STARD13: variants seen among roughly 807,000 people sequenced by gnomAD.
STARD13 encodes stAR-related lipid transfer protein 13.
Under a neutral mutation model 106.4 loss-of-function variants are expected in STARD13, and 62 were observed. That is an observed-to-expected ratio of 0.58 (90% CI 0.48 to 0.72). STARD13 has a LOEUF of 0.72. Ranked by LOEUF, STARD13 falls within the 30% of genes least tolerant of loss-of-function variation. The pLI is 0.00. For synonymous variants in STARD13, 565 were observed against 553.0 expected (o/e 1.02, Z -0.31); for missense variants, 1,387 against 1,424.0 (o/e 0.97, Z 0.42).
intron 4 of STARD13, chr13:33,138,693 A>G (rs1482752545): frequency 3.2e-6 from 1 of 315,726 alleles, no homozygotes; most frequent in Non-Finnish European, 6.3e-6. Context: ...GGGAGTGGAG[A>G]GCCCGAGCTG....
chr13:33,291,566 A>G (rs185053117), intron 1 of STARD13, among the ~76,000 whole-genome samples: 1 of 152,278 alleles, frequency 6.6e-6, no homozygotes, highest in African/African-American at 2.4e-5. Context: ...TTTATAATCT[A>G]TATTCACTCA....
chr13:33,109,530 G>T (rs978956021), intron 12 of STARD13, among the ~76,000 whole-genome samples: 3 of 152,226 alleles, frequency 2.0e-5, no homozygotes, highest in African/African-American at 7.2e-5. Context: ...AAGCCAGTCA[G>T]ATCCATTTGC....
chr13:33,442,895 A>C, the STARD13 span, among the ~76,000 whole-genome samples: 1 of 152,218 alleles, frequency 6.6e-6, no homozygotes, highest in Non-Finnish European at 1.5e-5. Context: ...ATTATATAGC[A>C]ATATTTTAAC....
At chr13:33,635,834 A>G in the STARD13 span, among the ~76,000 whole-genome samples, 1 of 150,572 alleles carries the variant, frequency 6.6e-6, no homozygotes, top group African/African-American at 2.4e-5. Context: ...AATACAAAAA[A>G]TTAGCCGGGT....
the STARD13 span, among the ~76,000 whole-genome samples, chr13:33,567,884 G>C: frequency 6.8e-6 from 1 of 147,870 alleles, no homozygotes; most frequent in Non-Finnish European, 1.5e-5. Context: ...TATAACCACT[G>C]ATGCTTCCCT....
At chr13:33,384,764 C>G in the STARD13 span, among the ~76,000 whole-genome samples, 1 of 152,092 alleles carries the variant, frequency 6.6e-6, no homozygotes, top group Non-Finnish European at 1.5e-5. Context: ...TGCCCATCTC[C>G]TTAATCCTTA....
intron 1 of STARD13, among the ~76,000 whole-genome samples, chr13:33,298,262 T>G (rs1274663545): frequency 6.6e-6 from 1 of 151,396 alleles, no homozygotes; most frequent in East Asian, 2.0e-4. Flanking sequence ...CCCAAGTAGC[T>G]GGGACTACAG....
At chr13:33,433,079 C>T in the STARD13 span, among the ~76,000 whole-genome samples, 5 of 152,118 alleles carry the variant, frequency 3.3e-5, no homozygotes, top group Admixed American at 6.5e-5. Flanking sequence ...TTTCAGCAAA[C>T]GTCTGTTATT....
At chr13:33,126,041 T>TG in intron 7 of STARD13, 40 bp downstream of exon 7, 3 of 1,596,326 alleles carry the variant, frequency 1.9e-6, no homozygotes, top group South Asian at 1.1e-5. Context: ...ATCCCATGGT[T>TG]GGGGGTGGTG....
At chr13:33,528,265 T>TATATATATATATATATATATACATAC in the STARD13 span, among the ~76,000 whole-genome samples, 1 of 131,536 alleles carries the variant, frequency 7.6e-6, no homozygotes, top group African/African-American at 3.2e-5. Context: ...TACATATATA[T>TATATATATATATATATATATACATAC]ATATATATAC....
chr13:33,123,527 G>C (rs1876685107), intron 7 of STARD13, among the ~76,000 whole-genome samples: 2 of 152,180 alleles, frequency 1.3e-5, no homozygotes, highest in African/African-American at 4.8e-5. Context: ...TCAGGAATAG[G>C]TATAATCTAT....
chr13:33,276,153 A>C (rs1891420576), intron 1 of STARD13: 1 of 152,232 alleles, frequency 6.6e-6, no homozygotes, highest in South Asian at 2.1e-4. Flanking sequence ...AGTGGAATGG[A>C]ATGCTAATAT....
At chr13:33,151,955 A>T (rs1300568575) in intron 3 of STARD13, among the ~76,000 whole-genome samples, 2 of 152,220 alleles carry the variant, frequency 1.3e-5, no homozygotes, top group African/African-American at 4.8e-5. Context: ...TTTGCTGAAC[A>T]TGCCGTTAAA....
At chr13:33,284,384 T>C (rs1891950432) in intron 1 of STARD13, among the ~76,000 whole-genome samples, 1 of 152,242 alleles carries the variant, frequency 6.6e-6, no homozygotes, top group South Asian at 2.1e-4. Flanking sequence ...TCCTCTTTAA[T>C]ATTCAATATA....
Position 33,130,225 on chromosome 13 carries a change from C to T in STARD13, c.452G>A (p.Arg151His), listed in dbSNP as rs151209307. Residue 151 changes from arginine to histidine, a missense_variant, in exon 5 of 14, where the codon CGC becomes CAC. Transcript: ENST00000336934. This position sits in a 1 kb window ranked among gnomAD's most constrained non-coding sequence, Gnocchi z 4.1. ...GAGGTCGTCCACACGAGACCACCTG[C>T]GACTGGTTCTTTGGAAAGTCCATTT... is the stretch of plus-strand genomic sequence containing the variant. ...SNKWTFQRTS[R>H]RWSRVDDLYT... 4.3e-6 allele frequency: 7 copies of T among 1,610,136 alleles called. No individual in the cohort carries two copies. The highest frequency in any genetic ancestry group is 1.7e-5 in the Admixed American group (1 of 60,014).
chr13:33,552,350 A>T, the STARD13 span, among the ~76,000 whole-genome samples: 3 of 152,226 alleles, frequency 2.0e-5, no homozygotes, highest in Admixed American at 1.3e-4. Context: ...TCACAAGCAC[A>T]CACAGACTGT....
the STARD13 span, among the ~76,000 whole-genome samples, chr13:33,476,394 G>T: frequency 1.3e-5 from 2 of 152,154 alleles, no homozygotes; most frequent in African/African-American, 4.8e-5. Context: ...ACTATATCTA[G>T]AATCAATCTT....
At chr13:33,190,019 T>C (rs1886127298) in intron 1 of STARD13, among the ~76,000 whole-genome samples, 1 of 152,114 alleles carries the variant, frequency 6.6e-6, no homozygotes, top group African/African-American at 2.4e-5. Flanking sequence ...TTTCTCATTA[T>C]ACTAGATACC....
the STARD13 span, among the ~76,000 whole-genome samples, chr13:33,462,146 G>A: frequency 6.6e-6 from 1 of 152,006 alleles, no homozygotes; most frequent in Non-Finnish European, 1.5e-5. Context: ...TCTGCCATTT[G>A]CCTCTGAACT....
Sources: gnomAD v4.1 joint callset for allele counts (sites outside exome capture counted in the v4.1 genomes callset) on GRCh38, gnomAD v4.1.1 for gene constraint, Gnocchi (gnomAD v3.1) non-coding constraint, MANE v1.5 for transcripts, NCBI Gene and HGNC (gene_info 2026-07-23, HGNC 2026-07-21) for gene names.